The following EIF4B variants were observed in gnomAD, a reference collection of about 807,000 sequenced individuals.
The protein encoded by EIF4B is eukaryotic translation initiation factor 4B.
A neutral mutation model predicts 79.3 loss-of-function variants in EIF4B; 8 were observed. That is an observed-to-expected ratio of 0.10 (90% CI 0.06 to 0.18). The LOEUF is 0.18. Ranked by LOEUF, EIF4B falls within the 10% of genes least tolerant of loss-of-function variation. The pLI is 1.00. For synonymous variants in EIF4B, 238 were observed against 274.7 expected, an observed-to-expected ratio of 0.87 and a Z score of 1.32; for missense variants, 515 against 792.4, an observed-to-expected ratio of 0.65 and a Z score of 4.20.
At chr12:53,022,017 G>A in intron 5 of EIF4B, 157 bp downstream of exon 5, 1 of 805,184 alleles carries the variant, frequency 1.2e-6, no homozygotes, top group Non-Finnish European at 2.0e-6. Flanking sequence ...TTCTGGCAAT[G>A]TTTGAAGACA....
chr12:53,021,214 G>A (rs574363347), intron 4 of EIF4B, among the ~76,000 whole-genome samples: 41 of 152,326 alleles, frequency 2.7e-4, no homozygotes, highest in African/African-American at 9.9e-4. Flanking sequence ...GTAATACTGA[G>A]TGAAAGAACC....
At chr12:53,028,599 AAC>A (rs1257500797) in intron 8 of EIF4B, among the ~76,000 whole-genome samples, 1 of 151,956 alleles carries the variant, frequency 6.6e-6, no homozygotes, top group Non-Finnish European at 1.5e-5. Flanking sequence ...CATCAGTGGA[AAC>A]ACAGCAGTCG....
Position 53,041,169 on chromosome 12 carries a change from A to C in EIF4B, c.*946A>C, listed in dbSNP as rs1379781111. On this transcript the variant is annotated 3_prime_UTR_variant, in exon 15 of 15. Transcript: ENST00000262056. ...TCATGCTACTCTTAACCTCCCAAAA[A>C]GCAGTATCTAAGTCACATACATGAT... 6.6e-6 allele frequency: 1 copy of C among 152,238 alleles called. No homozygotes were observed. The highest frequency in any genetic ancestry group is 1.5e-5 in the Non-Finnish European group (1 of 68,052). The allele number at this position is 152,238 out of a possible 1,614,324, so 9.4% of individuals were successfully genotyped here.
chr12:53,018,579 TG>T (rs1171350984), intron 2 of EIF4B, among the ~76,000 whole-genome samples: 1 of 152,214 alleles, frequency 6.6e-6, no homozygotes, highest in African/African-American at 2.4e-5. Flanking sequence ...GTTGTATTTA[TG>T]GAATAATATT....
intron 10 of EIF4B, among the ~76,000 whole-genome samples, chr12:53,034,925 G>A (rs1943512100): frequency 6.8e-6 from 1 of 146,912 alleles, no homozygotes; most frequent in Non-Finnish European, 1.5e-5. Context: ...TACCACTGAA[G>A]TGTATACTTG....
chr12:53,039,411 T>G, intron 13 of EIF4B, 68 bp downstream of exon 13: 1 of 1,377,516 alleles, frequency 7.3e-7, no homozygotes, highest in East Asian at 2.5e-5. Context: ...ATTAAGTTCT[T>G]GGTTCTCAGA....
Position 53,027,867 on chromosome 12 carries a change from A to C in EIF4B, c.753A>C (p.Arg251=), listed in dbSNP as rs773995161. 41 of 1,614,086 alleles carry C rather than the reference A, an allele frequency of 2.5e-5. No homozygotes were observed. Among genetic ancestry groups the C allele is most frequent in the Non-Finnish European group, 3.3e-5 (39 of 1,180,044 alleles). The change falls in exon 7 of 15, where the codon CGA becomes CGC. Residue 251 remains arginine (R), a synonymous_variant. Coordinates refer to ENST00000262056, the MANE Select transcript of EIF4B (RefSeq NM_001417.7). ...ATGGCCCACGCCGGGATATGGATCG[A>C]TATGGTGGCCGGGATCGCTATGATG... is the stretch of plus-strand genomic sequence containing the variant. ...YRDGPRRDMD[R]YGGRDRYDDR...
chr12:53,018,482 G>A (rs1383789023), intron 2 of EIF4B, among the ~76,000 whole-genome samples: 1 of 152,148 alleles, frequency 6.6e-6, no homozygotes, highest in Non-Finnish European at 1.5e-5. Context: ...TCTGTAGAAT[G>A]GGGGACAACC....
rs1943644009 is a variant in EIF4B at position 53,041,814 on chromosome 12, A to G, written c.*1591A>G. The stretch of plus-strand genomic sequence containing the variant: ...AGGTGTGTACCAAGTGAATTTAAAT[A>G]ATTGGTGTGGATTGGCCAGTAGCTA... On this transcript the variant is annotated 3_prime_UTR_variant, in exon 15 of 15. Transcript: ENST00000262056. 1 of 141,418 alleles carries G rather than the reference A, an allele frequency of 7.1e-6. No individual in the cohort carries two copies. Among genetic ancestry groups the G allele is most frequent in the East Asian group, 2.0e-4 (1 of 5,060 alleles). 8.8% of individuals were successfully genotyped at this position (141,418 alleles called of 1,614,324 possible).
chr12:53,027,137 A>AAATTTTTTTTTTTTTTTTTTTTT (rs1491387300), intron 6 of EIF4B, among the ~76,000 whole-genome samples: 1 of 25,722 alleles, frequency 3.9e-5, no homozygotes, highest in African/African-American at 8.2e-5. Flanking sequence ...AAAAAAAAAA[A>AAATTTTTTTTTTTTTTTTTTTTT]TTTTTTTTTT....
Position 53,016,591 on chromosome 12 carries a change from G to T in EIF4B, c.132G>T (p.Thr44=), listed in dbSNP as rs777139297. The T allele has an allele frequency of 3.1e-6, 5 of 1,598,574 alleles. No individual in the cohort carries two copies. The highest frequency in any genetic ancestry group is 1.7e-4 in the Middle Eastern group (1 of 5,986). ...AACCAGTCAGCTGGGCTGATGAAACGGATGACCTGGAAGGAGATGGTAACT... is the reference window on the plus strand; with the variant it reads ...AACCAGTCAGCTGGGCTGATGAAACTGATGACCTGGAAGGAGATGGTAACT... ...VSKPVSWADE[T]DDLEGDVSTT... is the part of the protein sequence containing the mutation. The change falls in exon 2 of 15, where the codon ACG becomes ACT. Residue 44 remains threonine, a synonymous_variant. Coordinates refer to ENST00000262056, the MANE Select transcript of EIF4B (RefSeq NM_001417.7).
chr12:53,035,678 T>A (rs552009255), intron 10 of EIF4B, among the ~76,000 whole-genome samples: 1 of 151,864 alleles, frequency 6.6e-6, no homozygotes, highest in East Asian at 2.0e-4. Context: ...TACACCCAGC[T>A]AAAATTTTGT....
In EIF4B at chr12:53,018,827, G is replaced by A. The variant is rs750837711; in HGVS notation, c.181G>A (p.Asp61Asn). ...GACCACTTGGCACAGTAACGATGAC[G>A]ATGTGTATAGGGCGCCTCCAATTGA... Reference protein sequence around the residue: ...VSTTWHSNDDDVYRAPPIDRS... With the variant: ...VSTTWHSNDDNVYRAPPIDRS... Residue 61 changes from aspartate (D) to asparagine (N), a missense_variant, in exon 3 of 15, where the codon GAT becomes AAT. By Grantham distance (23) the Asp-to-Asn change is conservative. Coordinates refer to ENST00000262056, the MANE Select transcript of EIF4B (RefSeq NM_001417.7). 9 of 1,613,002 alleles carry A rather than the reference G, an allele frequency of 5.6e-6. No homozygotes were observed. Among genetic ancestry groups the A allele is most frequent in the Non-Finnish European group, 5.1e-6 (6 of 1,179,850 alleles).
At chr12:53,020,192 G>T (rs1278362666) in intron 4 of EIF4B, among the ~76,000 whole-genome samples, 166 bp downstream of exon 4, 1 of 152,154 alleles carries the variant, frequency 6.6e-6, no homozygotes, top group Non-Finnish European at 1.5e-5. Context: ...CGAACATCTA[G>T]CAAGTCACAC....
At chr12:53,016,425 A>G (rs201083564) in intron 1 of EIF4B, 48 bp from the exon 2 acceptor site, 28 of 1,608,858 alleles carry the variant, frequency 1.7e-5, no homozygotes, top group Non-Finnish European at 5.1e-6. Flanking sequence ...ACAACTCTGT[A>G]AATACCTGAG....
chr12:53,034,579 G>A, intron 9 of EIF4B, 33 bp from the exon 10 acceptor site: 1 of 1,612,204 alleles, frequency 6.2e-7, no homozygotes, highest in African/African-American at 1.3e-5. Flanking sequence ...ACTGAGCCAG[G>A]CATAATGTGT....
chr12:53,020,183 G>A (rs1201219374), intron 4 of EIF4B, among the ~76,000 whole-genome samples, 157 bp downstream of exon 4: 1 of 152,030 alleles, frequency 6.6e-6, no homozygotes, highest in Non-Finnish European at 1.5e-5. Flanking sequence ...ACTTAACATC[G>A]AACATCTAGC....
chr12:53,027,137 A>AAATTTTTTTTT (rs1491387300), intron 6 of EIF4B, among the ~76,000 whole-genome samples: 6 of 25,724 alleles, frequency 2.3e-4, no homozygotes, highest in African/African-American at 2.5e-4. Flanking sequence ...AAAAAAAAAA[A>AAATTTTTTTTT]TTTTTTTTTT....
At chr12:53,009,090 C>G (rs1282550919) in intron 1 of EIF4B, among the ~76,000 whole-genome samples, 1 of 152,136 alleles carries the variant, frequency 6.6e-6, no homozygotes, top group Non-Finnish European at 1.5e-5. Flanking sequence ...TTCATTGTGA[C>G]TACTTTAGTA....
Sources: gnomAD v4.1 joint callset for allele counts (sites outside exome capture counted in the v4.1 genomes callset) on GRCh38, gnomAD v4.1.1 for gene constraint, MANE v1.5 for transcripts, NCBI Gene and HGNC (gene_info 2026-07-23, HGNC 2026-07-21) for gene names.